The following CDH13 variants were observed in gnomAD, a reference collection of about 807,000 sequenced individuals.
The protein encoded by CDH13 is cadherin 13.
Under a neutral mutation model 63.8 loss-of-function variants are expected in CDH13, and 24 were observed. That is an observed-to-expected ratio of 0.38 (90% CI 0.27 to 0.53). The LOEUF (loss-of-function observed/expected upper bound fraction) is 0.53. Ranked by LOEUF, CDH13 falls within the 20% of genes least tolerant of loss-of-function variation. The pLI, the probability that CDH13 is intolerant of heterozygous loss-of-function variation, is 0.85. For missense variants in CDH13, 1,049 were observed against 903.1 expected (o/e 1.16, Z -2.07); for synonymous variants, 503 against 355.3 (o/e 1.42, Z -4.67).
chr16:83,674,663 T>G (rs1231560228), intron 9 of CDH13, among the ~76,000 whole-genome samples: 1 of 152,166 alleles, frequency 6.6e-6, no homozygotes, highest in African/African-American at 2.4e-5. Context: ...GAAGAACTAT[T>G]TGGAGTCTCA....
At chr16:82,713,058 T>TGTGTGTGTG (rs1426390878) in intron 1 of CDH13, among the ~76,000 whole-genome samples, 2 of 14,130 alleles carry the variant, frequency 1.4e-4, no homozygotes, top group Non-Finnish European at 1.0e-3. Context: ...GTGTGTGTGG[T>TGTGTGTGTG]GTGTGTGTGT....
chr16:83,347,288 C>T (rs144525432), intron 6 of CDH13, among the ~76,000 whole-genome samples: 1 of 145,338 alleles, frequency 6.9e-6, no homozygotes. Context: ...TCATCTGTGG[C>T]TCATAGGATC....
At chr16:82,791,063 C>A (rs9921292) in intron 1 of CDH13, among the ~76,000 whole-genome samples, 9,300 of 152,182 alleles carry the variant, frequency 0.061, 307 homozygotes, top group Middle Eastern at 0.12. Context: ...CAGTGAAATT[C>A]CGTCTTTACT....
At chr16:83,527,389 C>T (rs1469162545) in intron 7 of CDH13, among the ~76,000 whole-genome samples, 1 of 151,766 alleles carries the variant, frequency 6.6e-6, no homozygotes, top group Non-Finnish European at 1.5e-5. Flanking sequence ...GCAGAGCTTG[C>T]AGTGAGCCGA....
At chr16:83,475,437 G>C (rs1246260856) in intron 6 of CDH13, among the ~76,000 whole-genome samples, 1 of 152,226 alleles carries the variant, frequency 6.6e-6, no homozygotes, top group African/African-American at 2.4e-5. Flanking sequence ...GCCACTTGGA[G>C]AGAGGATCTG....
intron 2 of CDH13, among the ~76,000 whole-genome samples, chr16:82,878,550 A>G (rs921749822): frequency 3.5e-5 from 4 of 114,042 alleles, no homozygotes; most frequent in African/African-American, 9.3e-5. Flanking sequence ...AGGAGTTGAG[A>G]ACGGGGAGAT....
At chr16:82,897,574 C>G (rs74524888) in intron 2 of CDH13, among the ~76,000 whole-genome samples, 1,762 of 152,296 alleles carry the variant, frequency 0.012, 14 homozygotes, top group Non-Finnish European at 0.018. Flanking sequence ...GGAAAATAAG[C>G]CTCCAGATAG....
intron 5 of CDH13, among the ~76,000 whole-genome samples, chr16:83,275,355 C>T (rs1380405768): frequency 6.6e-6 from 1 of 152,138 alleles, no homozygotes; most frequent in Admixed American, 6.5e-5. Flanking sequence ...TGGGTCATGT[C>T]CACCTAATAG....
intron 5 of CDH13, among the ~76,000 whole-genome samples, chr16:83,329,962 A>C (rs908924330): frequency 1.3e-5 from 2 of 152,172 alleles, no homozygotes; most frequent in Non-Finnish European, 2.9e-5. Context: ...TTTTTTAACC[A>C]TTGTGAATAG....
chr16:82,964,956 A>G (rs1330032229), intron 2 of CDH13, among the ~76,000 whole-genome samples: 1 of 152,220 alleles, frequency 6.6e-6, no homozygotes, highest in Non-Finnish European at 1.5e-5. Flanking sequence ...TCCTCCAAGA[A>G]TATCACCCCA....
intron 2 of CDH13, among the ~76,000 whole-genome samples, chr16:82,988,937 C>G (rs1260804626): frequency 6.6e-6 from 1 of 152,062 alleles, no homozygotes; most frequent in Non-Finnish European, 1.5e-5. Flanking sequence ...CTTGAAGACT[C>G]CATTGTCTCA....
intron 1 of CDH13, among the ~76,000 whole-genome samples, chr16:82,691,044 C>T (rs1212624933): frequency 6.6e-6 from 1 of 152,178 alleles, no homozygotes; most frequent in Non-Finnish European, 1.5e-5. Context: ...AGAGAAACAC[C>T]TAGATTTTGG....
At chr16:83,263,571 A>G (rs1907235255) in intron 5 of CDH13, among the ~76,000 whole-genome samples, 1 of 152,222 alleles carries the variant, frequency 6.6e-6, no homozygotes, top group South Asian at 2.1e-4. Context: ...TTTGATATAA[A>G]AAAAACAAAA....
intron 13 of CDH13, among the ~76,000 whole-genome samples, chr16:83,790,398 G>C (rs551861834): frequency 3.3e-5 from 5 of 151,696 alleles, no homozygotes; most frequent in Non-Finnish European, 7.4e-5. Flanking sequence ...AGTTTTTTTT[G>C]TTTTGTTTTG....
intron 2 of CDH13, among the ~76,000 whole-genome samples, chr16:82,901,840 C>T (rs902157569): frequency 3.3e-5 from 5 of 152,150 alleles, no homozygotes; most frequent in Admixed American, 6.5e-5. Flanking sequence ...GTGAGGGTTT[C>T]GTTAAACTTG....
At chr16:82,972,169 G>T (rs557031490) in intron 2 of CDH13, among the ~76,000 whole-genome samples, 21 of 152,258 alleles carry the variant, frequency 1.4e-4, no homozygotes, top group African/African-American at 5.1e-4. Context: ...AGGACCAGGG[G>T]TTAAAACCAT....
intron 8 of CDH13, among the ~76,000 whole-genome samples, chr16:83,656,253 T>C (rs190123740): frequency 1.3e-5 from 2 of 152,344 alleles, no homozygotes; most frequent in African/African-American, 4.8e-5. Flanking sequence ...AGATGACTCC[T>C]GCATTTTCAG....
chr16:83,604,995 C>G (rs1256915347), intron 8 of CDH13, among the ~76,000 whole-genome samples: 3 of 152,156 alleles, frequency 2.0e-5, no homozygotes, highest in Non-Finnish European at 4.4e-5. Context: ...TACCATTCCA[C>G]AATATCATAT....
chr16:83,791,818 A>G (rs1916287735), intron 13 of CDH13, among the ~76,000 whole-genome samples: 1 of 151,800 alleles, frequency 6.6e-6, no homozygotes, highest in African/African-American at 2.4e-5. Flanking sequence ...CTCCAAAAAA[A>G]AAAAAAAAAA....
Sources: gnomAD v4.1 joint callset for allele counts (sites outside exome capture counted in the v4.1 genomes callset) on GRCh38, gnomAD v4.1.1 for gene constraint, MANE v1.5 for transcripts, NCBI Gene and HGNC (gene_info 2026-07-23, HGNC 2026-07-21) for gene names.